Variants in HLCS observed in about 807,000 individuals in gnomAD.
HLCS encodes holocarboxylase synthetase, also known as biotin--protein ligase.
A neutral mutation model predicts 75.0 loss-of-function variants in HLCS; 53 were observed. That is an observed-to-expected ratio of 0.71 (90% CI 0.57 to 0.89). The LOEUF (loss-of-function observed/expected upper bound fraction) is 0.89. Ranked by LOEUF, HLCS falls within the 40% of genes least tolerant of loss-of-function variation. The pLI, the probability that HLCS is intolerant of heterozygous loss-of-function variation, is 0.00. For synonymous variants in HLCS, 431 were observed against 428.6 expected (o/e 1.01, Z -0.07); for missense variants, 966 against 1,074.0 (o/e 0.90, Z 1.41).
chr21:36,885,470 T>G (rs2064409296), intron 6 of HLCS, among the ~76,000 whole-genome samples: 1 of 149,752 alleles, frequency 6.7e-6, no homozygotes, highest in African/African-American at 2.5e-5. Flanking sequence ...ATCAGACCAC[T>G]GTACTCCAGC....
At chr21:36,789,052 T>TTTTG (rs1005268896) in intron 6 of HLCS, among the ~76,000 whole-genome samples, 5 of 152,092 alleles carry the variant, frequency 3.3e-5, no homozygotes, top group African/African-American at 7.2e-5. Flanking sequence ...CTTCTTTTAA[T>TTTTG]TTTGTTTGTT....
At chr21:36,951,587 C>A (rs1601854223) in intron 2 of HLCS, among the ~76,000 whole-genome samples, 1 of 152,192 alleles carries the variant, frequency 6.6e-6, no homozygotes, top group African/African-American at 2.4e-5. Flanking sequence ...TCCTTACAAA[C>A]AGGGAATGTC....
intron 7 of HLCS, among the ~76,000 whole-genome samples, chr21:36,765,672 A>G (rs930090067): frequency 2.0e-5 from 3 of 152,190 alleles, no homozygotes; most frequent in African/African-American, 7.2e-5. Flanking sequence ...TTTAAGATGG[A>G]GTCTCACTAT....
chr21:36,852,679 G>C (rs545788707), intron 6 of HLCS, among the ~76,000 whole-genome samples: 1 of 152,316 alleles, frequency 6.6e-6, no homozygotes, highest in African/African-American at 2.4e-5. Flanking sequence ...CAGAGGACCA[G>C]ATCCTTGGTA....
At chr21:36,841,493 A>G (rs2062613095) in intron 6 of HLCS, among the ~76,000 whole-genome samples, 1 of 152,268 alleles carries the variant, frequency 6.6e-6, no homozygotes, top group Admixed American at 6.5e-5. Flanking sequence ...TAGAAGCCAC[A>G]TAACGCAACT....
At chr21:36,899,762 G>T (rs2065159570) in intron 5 of HLCS, among the ~76,000 whole-genome samples, 1 of 152,178 alleles carries the variant, frequency 6.6e-6, no homozygotes, top group South Asian at 2.1e-4. Flanking sequence ...GATCAAAGGG[G>T]TCAAAATTCC....
At chr21:36,928,826 T>C (rs969491506) in intron 5 of HLCS, among the ~76,000 whole-genome samples, 1 of 152,186 alleles carries the variant, frequency 6.6e-6, no homozygotes, top group Non-Finnish European at 1.5e-5. Flanking sequence ...TCCATGTATG[T>C]GTATACAGAG....
At chr21:36,899,001 C>A (rs2146343874) in intron 5 of HLCS, among the ~76,000 whole-genome samples, 1 of 152,154 alleles carries the variant, frequency 6.6e-6, no homozygotes, top group African/African-American at 2.4e-5. Context: ...GCAGAGGCTG[C>A]AGTGAGCCAA....
In HLCS at chr21:36,750,983, T is replaced by G. The variant is rs2089345643; in HGVS notation, c.*3263A>C. The G allele has an allele frequency of 6.6e-6, 1 of 151,986 alleles. No homozygotes were observed. The allele number at this position is 151,986 out of a possible 1,614,324, so 9.4% of individuals were successfully genotyped here. On this transcript the variant is annotated 3_prime_UTR_variant, in exon 11 of 11. Coordinates refer to ENST00000674895, the MANE Select transcript of HLCS (RefSeq NM_001352514.2). Reference sequence around the variant, plus strand: ...TTCTTTGGAGTAATAATATTTCTCTTGTGTATGGCGCTGAATACATTTGTC... The same window carrying G: ...TTCTTTGGAGTAATAATATTTCTCTGGTGTATGGCGCTGAATACATTTGTC...
Position 36,982,664 on chromosome 21 carries a change from G to A in HLCS, c.-393+7494C>T, listed in dbSNP as rs546271055. 5.3e-5 allele frequency among the ~76,000 whole-genome samples: 8 copies of A among 152,262 alleles called. No homozygotes were observed. In the South Asian group the frequency reaches 1.7e-3, roughly 32 times the overall value. On this transcript the variant is annotated intron_variant, in intron 1 of 11. Transcript: ENST00000336648. ...TAATTACAGATCCCCTATTGTCCAC[G>A]TCTAAATTTACGCATTGTAGCTGGG...
chr21:36,874,001 T>C (rs920823833), intron 6 of HLCS, among the ~76,000 whole-genome samples: 2 of 152,272 alleles, frequency 1.3e-5, no homozygotes, highest in East Asian at 1.9e-4. Flanking sequence ...ATGAAGATAT[T>C]GTTTTCCTTT....
At position 36,752,635 on chromosome 21, in the gene HLCS, T is replaced by A. The variant is rs1009448619; in HGVS notation, c.*1611A>T. The stretch of plus-strand genomic sequence containing the variant: ...TTGGGCATTTGGAGAAGAGTGGTTT[T>A]TTTTGTGTTTTTTGTTTGTTTGTTT... On this transcript the variant is annotated 3_prime_UTR_variant, in exon 11 of 11. Coordinates refer to ENST00000674895, the MANE Select transcript of HLCS (RefSeq NM_001352514.2). 1.3e-5 allele frequency: 2 copies of A among 152,566 alleles called. No homozygotes were observed. Among genetic ancestry groups the A allele is most frequent in the Non-Finnish European group, 2.9e-5 (2 of 68,042 alleles). 9.5% of individuals were successfully genotyped at this position (152,566 alleles called of 1,614,324 possible). A position where few individuals can be genotyped will look rare whatever the true frequency, so the allele number is the denominator to read the frequency against.
intron 2 of HLCS, among the ~76,000 whole-genome samples, chr21:36,954,167 A>C (rs974502207): frequency 1.3e-5 from 2 of 152,012 alleles, no homozygotes; most frequent in African/African-American, 4.8e-5. Context: ...TTAGCCGGGC[A>C]TGGTGGCTCG....
chr21:36,913,323 C>G (rs964022318), intron 5 of HLCS, among the ~76,000 whole-genome samples: 1 of 151,872 alleles, frequency 6.6e-6, no homozygotes, highest in East Asian at 1.9e-4. Flanking sequence ...TTTCTATAAT[C>G]AAAATGCTGA....
chr21:36,862,435 C>T (rs1347343452), intron 6 of HLCS, among the ~76,000 whole-genome samples: 2 of 152,236 alleles, frequency 1.3e-5, no homozygotes, highest in Non-Finnish European at 2.9e-5. Flanking sequence ...AGTGTCTCCA[C>T]ATCCTTGCGA....
At chr21:36,786,447 TAAAG>T (rs1387282341) in intron 6 of HLCS, among the ~76,000 whole-genome samples, 1 of 152,156 alleles carries the variant, frequency 6.6e-6, no homozygotes, top group Non-Finnish European at 1.5e-5. Flanking sequence ...ATTTAAAACT[TAAAG>T]AACTTCTTTA....
intron 2 of HLCS, among the ~76,000 whole-genome samples, chr21:36,940,064 T>G (rs1271697659): frequency 6.6e-6 from 1 of 151,992 alleles, no homozygotes; most frequent in Non-Finnish European, 1.5e-5. Context: ...CATAAATAAA[T>G]AAATATAATT....
intron 1 of HLCS, among the ~76,000 whole-genome samples, chr21:36,987,899 A>C (rs2069257281): frequency 6.6e-6 from 1 of 152,154 alleles, no homozygotes; most frequent in Non-Finnish European, 1.5e-5. Context: ...TGAAGTACAA[A>C]ATTTCTTTGT....
chr21:36,953,560 T>C (rs1302635116), intron 2 of HLCS, among the ~76,000 whole-genome samples: 2 of 152,226 alleles, frequency 1.3e-5, no homozygotes, highest in African/African-American at 2.4e-5. Flanking sequence ...ACTTAGCCTG[T>C]ATCCTACATA....
Sources: gnomAD v4.1 joint callset for allele counts (sites outside exome capture counted in the v4.1 genomes callset) on GRCh38, gnomAD v4.1.1 for gene constraint, MANE v1.5 for transcripts, NCBI Gene and HGNC (gene_info 2026-07-23, HGNC 2026-07-21) for gene names.